The following FSTL5 variants were observed in gnomAD, a reference collection of about 807,000 sequenced individuals.
FSTL5 encodes follistatin-related protein 5.
FSTL5 carries 62 observed loss-of-function variants against 89.1 expected under a neutral mutation model. The ratio of observed to expected loss-of-function variants is 0.70; its 90% CI spans 0.57 to 0.86. FSTL5 has a LOEUF of 0.86. Among genes scored for constraint, FSTL5 ranks in the 40% least tolerant of loss-of-function variants. FSTL5 has a pLI of 0.00. For synonymous variants in FSTL5, 383 were observed against 346.2 expected, an observed-to-expected ratio of 1.11 and a Z score of -1.18; for missense variants, 1,057 against 1,001.6, an observed-to-expected ratio of 1.06 and a Z score of -0.75.
At chr4:161,715,517 C>A (rs1390476151) in intron 6 of FSTL5, among the ~76,000 whole-genome samples, 2 of 152,110 alleles carry the variant, frequency 1.3e-5, no homozygotes, top group Non-Finnish European at 2.9e-5. Context: ...AATCAGCACT[C>A]ACATCTGAGA....
intron 4 of FSTL5, among the ~76,000 whole-genome samples, chr4:161,815,864 T>C (rs1307573200): frequency 3.3e-5 from 5 of 152,190 alleles, no homozygotes; most frequent in Non-Finnish European, 5.9e-5. Flanking sequence ...TATTGAAGGA[T>C]AGTTTGTTAA....
chr4:161,745,887 A>G (rs1740185816), intron 6 of FSTL5, among the ~76,000 whole-genome samples: 1 of 152,154 alleles, frequency 6.6e-6, no homozygotes, highest in Non-Finnish European at 1.5e-5. Context: ...ATTAAACATG[A>G]CTACAGGCTC....
intron 2 of FSTL5, among the ~76,000 whole-genome samples, chr4:162,062,625 TTTAA>T (rs1351165824): frequency 4.6e-5 from 7 of 151,448 alleles, no homozygotes; most frequent in African/African-American, 1.7e-4. Flanking sequence ...TTTGGATTGA[TTTAA>T]TTATTATAAT....
intron 4 of FSTL5, among the ~76,000 whole-genome samples, chr4:161,878,812 C>T (rs955307374): frequency 5.3e-5 from 8 of 151,972 alleles, no homozygotes; most frequent in South Asian, 2.1e-4. Context: ...TTAATGATAA[C>T]GATAGCAAAT....
chr4:161,780,196 T>C (rs1462670297), intron 4 of FSTL5, among the ~76,000 whole-genome samples: 1 of 149,838 alleles, frequency 6.7e-6, no homozygotes, highest in Non-Finnish European at 1.5e-5. Flanking sequence ...TAAATAATTG[T>C]ATAATTATTT....
chr4:161,815,650 A>C (rs1309883231), intron 4 of FSTL5, among the ~76,000 whole-genome samples: 1 of 152,146 alleles, frequency 6.6e-6, no homozygotes, highest in Non-Finnish European at 1.5e-5. Context: ...AAGTTAAGTC[A>C]GTAGTTATAC....
At chr4:161,970,805 T>A (rs1174167105) in intron 3 of FSTL5, among the ~76,000 whole-genome samples, 1 of 151,948 alleles carries the variant, frequency 6.6e-6, no homozygotes, top group Non-Finnish European at 1.5e-5. Flanking sequence ...GTCTCTGAAT[T>A]GCAAAAAAAA....
chr4:161,514,679 T>A (rs1307648772), intron 10 of FSTL5, among the ~76,000 whole-genome samples: 3 of 152,284 alleles, frequency 2.0e-5, no homozygotes, highest in African/African-American at 4.8e-5. Flanking sequence ...TATTTAAAAT[T>A]AATTTTTGAT....
chr4:161,639,548 A>G (rs1735869767), intron 7 of FSTL5, among the ~76,000 whole-genome samples: 1 of 152,208 alleles, frequency 6.6e-6, no homozygotes, highest in Admixed American at 6.5e-5. Flanking sequence ...AAGATGGTGG[A>G]GTACAAAGCA....
intron 1 of FSTL5, among the ~76,000 whole-genome samples, chr4:162,129,667 C>A (rs1401373959): frequency 6.6e-6 from 1 of 152,148 alleles, no homozygotes; most frequent in African/African-American, 2.4e-5. Flanking sequence ...AGCTCCAATG[C>A]TGAAAACAAA....
At chr4:161,721,121 A>G (rs1560808315) in intron 6 of FSTL5, among the ~76,000 whole-genome samples, 1 of 151,562 alleles carries the variant, frequency 6.6e-6, no homozygotes, top group Non-Finnish European at 1.5e-5. Flanking sequence ...TACTAAAAAT[A>G]CAAAAAATTA....
At chr4:161,480,516 A>G (rs1729461705) in intron 13 of FSTL5, among the ~76,000 whole-genome samples, 1 of 152,232 alleles carries the variant, frequency 6.6e-6, no homozygotes, top group South Asian at 2.1e-4. Flanking sequence ...GACAATGTTT[A>G]TTAGAGATTG....
intron 1 of FSTL5, among the ~76,000 whole-genome samples, chr4:162,143,957 T>C (rs557827003): frequency 7.3e-4 from 111 of 152,222 alleles, no homozygotes; most frequent in Non-Finnish European, 1.3e-3. Flanking sequence ...ATGCATATTT[T>C]AGAGTCAAAA....
At chr4:161,905,989 C>T (rs904869549) in intron 4 of FSTL5, among the ~76,000 whole-genome samples, 7 of 152,154 alleles carry the variant, frequency 4.6e-5, no homozygotes, top group Admixed American at 2.0e-4. Context: ...GGAAAAGAGA[C>T]TTGAGTGCCC....
chr4:161,793,130 G>A lies in FSTL5; in HGVS notation c.410-17056C>T, dbSNP rs149422846. 2.7e-3 allele frequency among the ~76,000 whole-genome samples: 417 copies of A among 152,332 alleles called. 2 individuals carry two copies. The highest frequency in any genetic ancestry group is 4.9e-3 in the Non-Finnish European group (333 of 68,024). ...TCCAGCTGCAGCCTTGCATGGAGCC[G>A]GCAACTGGACCAGTGCCTAGAGCTG... On this transcript the variant is annotated intron_variant, in intron 4 of 15. Transcript: ENST00000306100.
chr4:161,652,202 C>T (rs1736365058), intron 7 of FSTL5, among the ~76,000 whole-genome samples: 1 of 152,006 alleles, frequency 6.6e-6, no homozygotes, highest in Non-Finnish European at 1.5e-5. Flanking sequence ...TTTGAGAGGC[C>T]AAAGCAGGAG....
chr4:161,603,929 C>T (rs986271137), intron 7 of FSTL5, among the ~76,000 whole-genome samples: 24 of 152,166 alleles, frequency 1.6e-4, no homozygotes, highest in African/African-American at 5.3e-4. Context: ...TTGGATCACT[C>T]GGTCATTTAT....
rs532837450 is a variant in FSTL5, at chr4:161,537,956, C to A, written c.1312+210G>T. Reference sequence around the variant, plus strand: ...ATGTACACTTGCAAAAAAATAAAATCTAGTGTTGTAATGAAAATTTCACAA... The same window carrying A: ...ATGTACACTTGCAAAAAAATAAAATATAGTGTTGTAATGAAAATTTCACAA... On this transcript the variant is annotated intron_variant, in intron 10 of 15. Coordinates refer to ENST00000306100, the MANE Select transcript of FSTL5 (RefSeq NM_020116.5). Among the ~76,000 whole-genome samples the A allele has an allele frequency of 9.2e-5, 14 of 152,258 alleles. 1 individual carries two copies. The South Asian group carries it at 2.9e-3, about 32-fold the overall frequency.
chr4:161,618,008 G>T (rs572266996), intron 7 of FSTL5, among the ~76,000 whole-genome samples: 261 of 152,244 alleles, frequency 1.7e-3, no homozygotes, highest in African/African-American at 5.7e-3. Flanking sequence ...TTGATGAGTG[G>T]TTTGTAGTTC....
Sources: allele counts gnomAD v4.1 joint callset (sites outside exome capture counted in the v4.1 genomes callset), GRCh38; gene constraint gnomAD v4.1.1; transcripts MANE v1.5; gene names NCBI Gene and HGNC (gene_info 2026-07-23, HGNC 2026-07-21).